The following LRP1B variants were observed in gnomAD, a reference collection of about 807,000 sequenced individuals.
LRP1B encodes the protein LDL receptor related protein 1B, also known as low-density lipoprotein receptor-related protein 1B.
A neutral mutation model predicts 556.6 loss-of-function variants in LRP1B; 217 were observed. The observed-to-expected ratio is 0.39, with a 90% CI of 0.35 to 0.44. The LOEUF is 0.44. Among genes scored for constraint, LRP1B ranks in the 20% least tolerant of loss-of-function variants. The pLI, the probability that LRP1B is intolerant of heterozygous loss-of-function variation, is 1.00. For synonymous variants in LRP1B, 2,047 were observed against 1,865.8 expected (o/e 1.10, Z -2.50); for missense variants, 5,053 against 5,620.8 (o/e 0.90, Z 3.23).
At chr2:141,684,626 C>G (rs151134962) in intron 2 of LRP1B, among the ~76,000 whole-genome samples, 26 of 151,930 alleles carry the variant, frequency 1.7e-4, no homozygotes, top group Non-Finnish European at 2.8e-4. Flanking sequence ...AATTGAACAG[C>G]GAGAACTCTG....
intron 3 of LRP1B, among the ~76,000 whole-genome samples, chr2:141,470,949 T>G (rs182927582): frequency 6.6e-6 from 1 of 152,198 alleles, no homozygotes; most frequent in Non-Finnish European, 1.5e-5. Flanking sequence ...ACCTTCCAAA[T>G]TTCTAAATGT....
intron 7 of LRP1B, among the ~76,000 whole-genome samples, chr2:141,067,091 T>A (rs1699500458): frequency 1.3e-5 from 2 of 151,980 alleles, no homozygotes; most frequent in Non-Finnish European, 2.9e-5. Context: ...CCAAATAGCA[T>A]CAATAGTAAC....
intron 1 of LRP1B, among the ~76,000 whole-genome samples, chr2:142,080,471 A>G (rs1483857929): frequency 4.6e-5 from 7 of 152,148 alleles, no homozygotes; most frequent in Admixed American, 4.6e-4. Flanking sequence ...TTAAATAATC[A>G]CTTTGTTACC....
chr2:141,068,654 C>G (rs184385743), intron 7 of LRP1B, among the ~76,000 whole-genome samples: 8 of 151,866 alleles, frequency 5.3e-5, no homozygotes. Flanking sequence ...CAGCATTCAC[C>G]CATGCAAGTT....
chr2:141,787,529 G>GA (rs140041692), intron 2 of LRP1B, among the ~76,000 whole-genome samples: 17,088 of 151,338 alleles, frequency 0.11, 1,066 homozygotes, highest in Middle Eastern at 0.22. Flanking sequence ...TGTCATACTA[G>GA]AAAAAATAAA....
chr2:141,707,214 C>T (rs879121147), intron 2 of LRP1B, among the ~76,000 whole-genome samples: 7 of 152,032 alleles, frequency 4.6e-5, no homozygotes, highest in East Asian at 1.9e-4. Flanking sequence ...CCCTTATATA[C>T]GCCATTACCA....
At chr2:141,883,302 C>A (rs2104898099) in intron 1 of LRP1B, among the ~76,000 whole-genome samples, 1 of 152,082 alleles carries the variant, frequency 6.6e-6, no homozygotes, top group African/African-American at 2.4e-5. Flanking sequence ...ACAAGCAAAG[C>A]AAGAAGGAGC....
chr2:140,306,601 A>AC (rs1553443733), intron 83 of LRP1B, among the ~76,000 whole-genome samples: 4 of 148,694 alleles, frequency 2.7e-5, no homozygotes, highest in Non-Finnish European at 3.0e-5. Flanking sequence ...GTTCAAAAAA[A>AC]CAGCTCCTGG....
intron 3 of LRP1B, among the ~76,000 whole-genome samples, chr2:141,307,051 T>G (rs368071647): frequency 6.6e-6 from 1 of 152,312 alleles, no homozygotes; most frequent in East Asian, 1.9e-4. Context: ...ATGTTCCACA[T>G]GCTGACGGGG....
At chr2:141,515,729 G>T (rs554858668) in intron 2 of LRP1B, among the ~76,000 whole-genome samples, 2 of 152,210 alleles carry the variant, frequency 1.3e-5, no homozygotes, top group South Asian at 4.1e-4. Context: ...TGTACAAGGG[G>T]AAATGATATG....
intron 20 of LRP1B, among the ~76,000 whole-genome samples, chr2:140,936,669 A>G (rs1224727301): frequency 6.6e-6 from 1 of 151,686 alleles, no homozygotes; most frequent in African/African-American, 2.4e-5. Flanking sequence ...AGTGACTTGT[A>G]CTATACTTCT....
intron 7 of LRP1B, among the ~76,000 whole-genome samples, chr2:141,118,842 T>C (rs568488187): frequency 4.6e-5 from 7 of 151,992 alleles, no homozygotes; most frequent in African/African-American, 1.7e-4. Context: ...TTAAGGTTAA[T>C]AAATTCTCAA....
chr2:140,750,354 G>T (rs895848767), intron 35 of LRP1B, among the ~76,000 whole-genome samples: 1 of 152,058 alleles, frequency 6.6e-6, no homozygotes, highest in African/African-American at 2.4e-5. Flanking sequence ...ATAAACAAAT[G>T]TATAAAAGTT....
chr2:140,532,672 G>A (rs537446613), intron 47 of LRP1B, among the ~76,000 whole-genome samples: 2 of 152,086 alleles, frequency 1.3e-5, no homozygotes, highest in East Asian at 3.9e-4. Context: ...TGGGATTACA[G>A]GCATGAGCCA....
chr2:141,103,782 T>C (rs1343942771), intron 7 of LRP1B, among the ~76,000 whole-genome samples: 1 of 151,308 alleles, frequency 6.6e-6, no homozygotes, highest in African/African-American at 2.4e-5. Context: ...ATAAGCAATA[T>C]ATAATAGATA....
chr2:141,096,874 G>T (rs559631415), intron 7 of LRP1B, among the ~76,000 whole-genome samples: 5 of 152,246 alleles, frequency 3.3e-5, no homozygotes, highest in South Asian at 4.1e-4. Flanking sequence ...TAGAAAGTGT[G>T]TAGTTAATGA....
intron 66 of LRP1B, among the ~76,000 whole-genome samples, chr2:140,400,966 C>T (rs12986472): frequency 0.088 from 13,414 of 152,164 alleles, 696 homozygotes; most frequent in Middle Eastern, 0.14. Flanking sequence ...AGTGCCTTGG[C>T]GGTATTTCCA....
intron 32 of LRP1B, among the ~76,000 whole-genome samples, chr2:140,790,729 G>A (rs1025238856): frequency 6.6e-6 from 1 of 152,132 alleles, no homozygotes; most frequent in Non-Finnish European, 1.5e-5. Flanking sequence ...CTTGGAGATT[G>A]TAAACAATGG....
chr2:140,758,780 GA>G (rs945998372), intron 35 of LRP1B, among the ~76,000 whole-genome samples: 1 of 151,084 alleles, frequency 6.6e-6, no homozygotes, highest in Non-Finnish European at 1.5e-5. Flanking sequence ...GAGGAGTAAA[GA>G]AAAAAAATTA....
Sources: allele counts gnomAD v4.1 joint callset (sites outside exome capture counted in the v4.1 genomes callset), GRCh38; gene constraint gnomAD v4.1.1; transcripts MANE v1.5; gene names NCBI Gene and HGNC (gene_info 2026-07-23, HGNC 2026-07-21).